TMPRSS4: variants seen among roughly 807,000 people sequenced by gnomAD.
The protein encoded by TMPRSS4 is transmembrane protease serine 4.
A neutral mutation model predicts 56.4 loss-of-function variants in TMPRSS4; 45 were observed. The ratio of observed to expected loss-of-function variants is 0.80; its 90% confidence interval spans 0.63 to 1.02. TMPRSS4 has a LOEUF of 1.02. Ranked by LOEUF, TMPRSS4 falls within the 50% of genes least tolerant of loss-of-function variation. The pLI is 0.00. For missense variants in TMPRSS4, 546 were observed against 556.7 expected, an observed-to-expected ratio of 0.98 and a Z score of 0.19; for synonymous variants, 205 against 211.0, an observed-to-expected ratio of 0.97 and a Z score of 0.25.
chr11:118,104,856 TC>T, intron 5 of TMPRSS4, 36 bp downstream of exon 5: 1 of 1,513,086 alleles, frequency 6.6e-7, no homozygotes, highest in Non-Finnish European at 8.9e-7. Flanking sequence ...TTTCCCTCCT[TC>T]CTCCTTCCTC....
At chr11:118,100,833 C>G (rs903138098) in intron 3 of TMPRSS4, among the ~76,000 whole-genome samples, 54 of 152,170 alleles carry the variant, frequency 3.5e-4, no homozygotes, top group African/African-American at 1.3e-3. Context: ...ACTCCCTGTC[C>G]CAGAAGGTCC....
intron 4 of TMPRSS4, among the ~76,000 whole-genome samples, 198 bp downstream of exon 4, chr11:118,103,451 G>A (rs554140018): frequency 7.2e-5 from 11 of 152,154 alleles, no homozygotes; most frequent in Non-Finnish European, 1.2e-4. Context: ...TCTTGGTCTC[G>A]GCTCACTGCA....
At chr11:118,117,000 C>T (rs1156646726) in intron 11 of TMPRSS4, among the ~76,000 whole-genome samples, 3 of 152,042 alleles carry the variant, frequency 2.0e-5, no homozygotes, top group South Asian at 2.1e-4. Context: ...TGTGAGCCAC[C>T]GCTCCTGGCC....
Position 118,105,403 on chromosome 11 carries a change from C to T in TMPRSS4, c.440+583C>T, listed in dbSNP as rs543894805. On this transcript the variant is annotated intron_variant, in intron 5 of 12. Transcript: ENST00000437212. ...ATATTCACTTGATTTTGGCAGAAAA[C>T]CAAAAAGATAGTTATTATATCTTAT... Among the ~76,000 whole-genome samples, 13 of 151,742 alleles carry T rather than the reference C, an allele frequency of 8.6e-5. No individual in the cohort carries two copies. The East Asian group carries it at 2.5e-3, about 29-fold the overall frequency.
chr11:118,124,672 T>A (rs1276497603), downstream of TMPRSS4, among the ~76,000 whole-genome samples: 4 of 152,212 alleles, frequency 2.6e-5, no homozygotes, highest in Non-Finnish European at 1.5e-5. Flanking sequence ...CAATTATTGA[T>A]ATGTCGAGCA....
chr11:118,100,493 C>T (rs951948630), intron 3 of TMPRSS4, among the ~76,000 whole-genome samples: 2 of 152,152 alleles, frequency 1.3e-5, no homozygotes, highest in African/African-American at 2.4e-5. Context: ...GACAAAGCTG[C>T]GACAGAACCC....
chr11:118,111,307 G>T (rs535183759), intron 7 of TMPRSS4, among the ~76,000 whole-genome samples: 2 of 152,140 alleles, frequency 1.3e-5, no homozygotes, highest in Non-Finnish European at 2.9e-5. Context: ...TGGAGAAGGG[G>T]GAGTTTTGGA....
chr11:118,098,787 G>A (rs1056046310), intron 2 of TMPRSS4, among the ~76,000 whole-genome samples, 198 bp from the exon 3 acceptor site: 1 of 152,176 alleles, frequency 6.6e-6, no homozygotes, highest in African/African-American at 2.4e-5. Flanking sequence ...GGTGAGCCTG[G>A]ATAAGTAAGA....
At chr11:118,096,976 GAAAGAAAGAAAGAAAGAAA>G (rs1946397033) in intron 2 of TMPRSS4, among the ~76,000 whole-genome samples, 1 of 35,724 alleles carries the variant, frequency 2.8e-5, no homozygotes, top group African/African-American at 1.3e-4. Context: ...AGGAAAGAAA[GAAAGAAAGAAAGAAAGAAA>G]GAAAGAAAGA....
At chr11:118,102,715 A>C (rs1348943717) in intron 3 of TMPRSS4, among the ~76,000 whole-genome samples, 1 of 152,178 alleles carries the variant, frequency 6.6e-6, no homozygotes, top group South Asian at 2.1e-4. Context: ...TCTCAAAAAA[A>C]AGAAAAAAGT....
chr11:118,113,361 T>C lies in TMPRSS4; in HGVS notation c.836T>C (p.Ile279Thr), dbSNP rs201239955. 8.7e-6 allele frequency: 14 copies of C among 1,614,172 alleles called. No individual in the cohort carries two copies. The Admixed American group carries it at 1.3e-4, about 15-fold the overall frequency. ...PSLAVAKIII[I>T]EFNPMYPKDN... is the part of the protein sequence containing the mutation. ...CTGGCTGTGGCCAAGATCATCATCATTGAATTCAACCCCATGTACCCCAAA... is the reference window on the plus strand; with the variant it reads ...CTGGCTGTGGCCAAGATCATCATCACTGAATTCAACCCCATGTACCCCAAA... Residue 279 changes from isoleucine to threonine, a missense_variant, in exon 9 of 13, where the codon ATT becomes ACT. Transcript: ENST00000437212.
rs1944719477 is a variant in TMPRSS4 at position 118,077,127 on chromosome 11, T to A, written c.-176T>A. The A allele has an allele frequency of 1.6e-6, 1 of 616,484 alleles. No homozygotes were observed. The highest frequency in any genetic ancestry group is 2.2e-5 in the South Asian group (1 of 45,262). 38.2% of individuals were successfully genotyped at this position (616,484 alleles called of 1,614,324 possible). On this transcript the variant is annotated 5_prime_UTR_variant, in exon 1 of 13. It removes an upstream start codon present in the reference 5' UTR. Transcript: ENST00000437212. ...CAGCAGCTTGCTCAGCGGACAAGGA[T>A]GCTGGGCGTGAGGGACCAAGGCCTG...
Position 118,085,226 on chromosome 11 carries a change from C to T in TMPRSS4, c.3+7921C>T, listed in dbSNP as rs867589477. Among the ~76,000 whole-genome samples, 790 of 141,868 alleles carry T rather than the reference C, an allele frequency of 5.6e-3. 8 individuals are homozygous for T. The highest frequency in any genetic ancestry group is 0.018 in the African/African-American group (693 of 38,566). The allele number at this position is 141,868 out of a possible 152,430, so 93.1% of individuals were successfully genotyped here. A position where few individuals can be genotyped will look rare whatever the true frequency, so the allele number is the denominator to read the frequency against. On this transcript the variant is annotated intron_variant, in intron 1 of 12. Coordinates refer to ENST00000437212, the MANE Select transcript of TMPRSS4 (RefSeq NM_019894.4). ...GATGGAGGAGTCAGATCTTCTTCTT[C>T]TTTTTTTTTTTTTTTGAGACAGAGT...
At position 118,119,003 on chromosome 11, in the gene TMPRSS4, T is replaced by C; in HGVS notation, c.*1090T>C. 1.0e-6 allele frequency: 1 copy of C among 985,420 alleles called. No individual in the cohort carries two copies. Among genetic ancestry groups the C allele is most frequent in the Non-Finnish European group, 1.2e-6 (1 of 829,928 alleles). 61.0% of individuals were successfully genotyped at this position (985,420 alleles called of 1,614,324 possible). A position where few individuals can be genotyped will look rare whatever the true frequency, so the allele number is the denominator to read the frequency against. On this transcript the variant is annotated 3_prime_UTR_variant, in exon 13 of 13. Coordinates refer to ENST00000437212, the MANE Select transcript of TMPRSS4 (RefSeq NM_019894.4). ...ACCCCATGGACTTTTTTGGCATCTG[T>C]ATGAAAGCTTGGGTTTTCTGAGGAC... is the stretch of plus-strand genomic sequence containing the variant.
rs774806283 is a variant in TMPRSS4, at chr11:118,115,210, C to T, written c.1082C>T (p.Ala361Val). The T allele has an allele frequency of 2.0e-5, 32 of 1,612,722 alleles. No individual in the cohort carries two copies. The Middle Eastern group carries it at 8.2e-4, about 41-fold the overall frequency. ...AGCACACGGTGCAATGCAGACGATG[C>T]GTACCAGGGGGAAGTCACCGAGAAG... is the stretch of plus-strand genomic sequence containing the variant. ...IDSTRCNADD[A>V]YQGEVTEKMM... The change falls in exon 11 of 13, where the codon GCG (alanine) becomes GTG (valine). Residue 361 changes from alanine to valine, a missense_variant. Physicochemically the swap from Ala to Val is moderately conservative, Grantham distance 64. Coordinates refer to ENST00000437212, the MANE Select transcript of TMPRSS4 (RefSeq NM_019894.4).
intron 5 of TMPRSS4, chr11:118,105,432 T>C (rs1946940253): frequency 6.6e-6 from 1 of 151,818 alleles, no homozygotes; most frequent in Non-Finnish European, 1.5e-5. Context: ...ATCTTATATA[T>C]AGATATATAT....
intron 11 of TMPRSS4, among the ~76,000 whole-genome samples, chr11:118,116,469 G>A (rs561661108): frequency 6.6e-6 from 1 of 152,250 alleles, no homozygotes; most frequent in South Asian, 2.1e-4. Context: ...AAGCCCCAGG[G>A]GCTAAAACAG....
intron 8 of TMPRSS4, 38 bp downstream of exon 8, chr11:118,111,938 G>A: frequency 6.3e-7 from 1 of 1,587,012 alleles, no homozygotes; most frequent in Non-Finnish European, 8.6e-7. Flanking sequence ...TGGGGACCAA[G>A]GCCAGTCAGG....
At chr11:118,079,976 G>C (rs1316230358) in intron 1 of TMPRSS4, among the ~76,000 whole-genome samples, 1 of 152,176 alleles carries the variant, frequency 6.6e-6, no homozygotes, top group Non-Finnish European at 1.5e-5. Context: ...TGCCACCTGG[G>C]TGACAGGGCC....
Sources: gnomAD v4.1 joint callset for allele counts (sites outside exome capture counted in the v4.1 genomes callset) on GRCh38, gnomAD v4.1.1 for gene constraint, MANE v1.5 for transcripts, NCBI Gene and HGNC (gene_info 2026-07-23, HGNC 2026-07-21) for gene names.